DSCAM: variants seen among roughly 807,000 people sequenced by gnomAD.
DSCAM encodes cell adhesion molecule DSCAM.
DSCAM carries 47 observed loss-of-function variants against 217.7 expected under a neutral mutation model. The ratio of observed to expected loss-of-function variants is 0.22; its 90% confidence interval spans 0.17 to 0.28. DSCAM has a LOEUF of 0.28. Ranked by LOEUF, DSCAM falls within the 10% of genes least tolerant of loss-of-function variation. The probability of loss-of-function intolerance (pLI) is 1.00; values close to 1 mark genes in which losing one functional copy is unlikely to be tolerated. For missense variants in DSCAM, 2,080 were observed against 2,618.3 expected (o/e 0.79, Z 4.49); for synonymous variants, 1,056 against 1,015.3 (o/e 1.04, Z -0.76).
intron 3 of DSCAM, among the ~76,000 whole-genome samples, chr21:40,550,112 A>G (rs1034589561): frequency 6.6e-6 from 1 of 152,026 alleles, no homozygotes; most frequent in African/African-American, 2.4e-5. Flanking sequence ...AGTCATTGGT[A>G]TCTGGATCCC....
At chr21:40,750,477 T>C (rs1212213762) in intron 1 of DSCAM, among the ~76,000 whole-genome samples, 1 of 152,196 alleles carries the variant, frequency 6.6e-6, no homozygotes, top group Non-Finnish European at 1.5e-5. Flanking sequence ...ACACAGTCTC[T>C]GGACTTTCTT....
chr21:40,165,484 C>T (rs1248657794), intron 16 of DSCAM, among the ~76,000 whole-genome samples: 1 of 152,174 alleles, frequency 6.6e-6, no homozygotes, highest in Non-Finnish European at 1.5e-5. Context: ...TGTATTCAGT[C>T]GATTCACAAT....
intron 3 of DSCAM, among the ~76,000 whole-genome samples, chr21:40,665,196 C>T (rs901351524): frequency 2.0e-5 from 3 of 152,164 alleles, no homozygotes; most frequent in African/African-American, 7.2e-5. Context: ...AACACAGAGG[C>T]AGGCTGGGCA....
intron 3 of DSCAM, among the ~76,000 whole-genome samples, chr21:40,623,127 G>A (rs888371405): frequency 2.6e-5 from 4 of 152,044 alleles, no homozygotes; most frequent in Admixed American, 6.5e-5. Context: ...GTGTTTACTC[G>A]TTCAATCAAA....
rs1242601428 is a variant in DSCAM at position 40,414,472 on chromosome 21, T to C, written c.509-45227A>G. On this transcript the variant is annotated intron_variant, in intron 3 of 32. Coordinates refer to ENST00000400454, the MANE Select transcript of DSCAM (RefSeq NM_001389.5). ...TAGAATAGCTAAAATTAAAACGTACTGTGAAGAACTGAGACAACTAAACTT... is the reference window on the plus strand; with the variant it reads ...TAGAATAGCTAAAATTAAAACGTACCGTGAAGAACTGAGACAACTAAACTT... 1.3e-5 allele frequency among the ~76,000 whole-genome samples: 2 copies of C among 152,212 alleles called. 1 individual carries two copies. Among genetic ancestry groups the C allele is most frequent in the Non-Finnish European group, 2.9e-5 (2 of 68,032 alleles).
At chr21:40,104,040 A>G (rs1465028938) in intron 20 of DSCAM, among the ~76,000 whole-genome samples, 1 of 152,176 alleles carries the variant, frequency 6.6e-6, no homozygotes, top group African/African-American at 2.4e-5. Flanking sequence ...GTTTAGAATT[A>G]GAAGCACCAT....
intron 1 of DSCAM, among the ~76,000 whole-genome samples, chr21:40,770,178 GTCT>G (rs1200963630): frequency 6.6e-6 from 1 of 152,198 alleles, no homozygotes; most frequent in East Asian, 1.9e-4. Context: ...TGTATAACTG[GTCT>G]TCATTTCTTC....
intron 11 of DSCAM, among the ~76,000 whole-genome samples, chr21:40,202,581 G>A (rs1303765965): frequency 6.6e-6 from 1 of 152,200 alleles, no homozygotes; most frequent in East Asian, 1.9e-4. Flanking sequence ...TTGCTGTAGA[G>A]ATTACAAGCT....
At position 40,431,429 on chromosome 21, in the gene DSCAM, A is replaced by G. The variant is rs191523833; in HGVS notation, c.509-62184T>C. ...CCACTTCCACCTAATGAACTACTCAATGTGAAGACGATGAGGACAAAGACC... is the reference window on the plus strand; with the variant it reads ...CCACTTCCACCTAATGAACTACTCAGTGTGAAGACGATGAGGACAAAGACC... On this transcript the variant is annotated intron_variant, in intron 3 of 32. Transcript: ENST00000400454. Among the ~76,000 whole-genome samples the G allele has an allele frequency of 9.3e-4, 140 of 149,752 alleles. 1 individual carries two copies. Among genetic ancestry groups the G allele is most frequent in the Admixed American group, 4.3e-3 (65 of 15,160 alleles).
At chr21:40,519,203 G>A (rs1048484283) in intron 3 of DSCAM, among the ~76,000 whole-genome samples, 2 of 152,124 alleles carry the variant, frequency 1.3e-5, no homozygotes, top group Admixed American at 6.5e-5. Context: ...ATATGACGGT[G>A]AGTGTTATGT....
intron 16 of DSCAM, among the ~76,000 whole-genome samples, chr21:40,164,244 C>G (rs893132068): frequency 6.6e-6 from 1 of 152,134 alleles, no homozygotes; most frequent in African/African-American, 2.4e-5. Context: ...CAGTCATGCA[C>G]AATCTGAGCC....
Position 40,533,533 on chromosome 21 carries a change from CCATCCATCCATTCATCCATCCATT to C in DSCAM, c.508+159253_508+159276del, listed in dbSNP as rs199620398. Among the ~76,000 whole-genome samples the C allele has an allele frequency of 1.6e-3, 233 of 141,992 alleles. 2 individuals are homozygous for C. The Middle Eastern group carries it at 0.025, about 15-fold the overall frequency. 93.2% of individuals were successfully genotyped at this position (141,992 alleles called of 152,430 possible). A position where few individuals can be genotyped will look rare whatever the true frequency, so the allele number is the denominator to read the frequency against. ...GCCATCCATCCATCCATCTGTCCAT[CCATCCATCCATTCATCCATCCATT>C]CATCCATCCATCCATCCATCCATCC... On this transcript the variant is annotated intron_variant, in intron 3 of 32. Transcript: ENST00000400454.
At chr21:40,077,262 C>A (rs1362502585) in intron 26 of DSCAM, among the ~76,000 whole-genome samples, 1 of 152,082 alleles carries the variant, frequency 6.6e-6, no homozygotes, top group African/African-American at 2.4e-5. Context: ...GCCCTGAGAC[C>A]CAGGCCAGAA....
chr21:40,548,513 A>ATATATAT (rs531783727), intron 3 of DSCAM, among the ~76,000 whole-genome samples: 1 of 150,312 alleles, frequency 6.7e-6, no homozygotes. Flanking sequence ...TAAAAAAAAA[A>ATATATAT]ATATATATAT....
intron 1 of DSCAM, among the ~76,000 whole-genome samples, chr21:40,794,858 A>G (rs1207531440): frequency 2.0e-5 from 3 of 147,068 alleles, no homozygotes; most frequent in Non-Finnish European, 3.0e-5. Context: ...GCCTGGACTG[A>G]TAATCTTCAG....
chr21:40,133,806 C>T, intron 19 of DSCAM, 48 bp downstream of exon 19: 2 of 1,553,852 alleles, frequency 1.3e-6, no homozygotes, highest in South Asian at 2.5e-5. Flanking sequence ...TCTCTGTGAC[C>T]CAGCCCTTCC....
intron 3 of DSCAM, among the ~76,000 whole-genome samples, chr21:40,588,236 G>C (rs931449293): frequency 2.0e-5 from 3 of 152,126 alleles, no homozygotes; most frequent in Admixed American, 1.3e-4. Context: ...CTACCCCTCT[G>C]ATATTAGGTT....
intron 1 of DSCAM, among the ~76,000 whole-genome samples, chr21:40,758,795 C>T (rs960085194): frequency 6.6e-6 from 1 of 152,104 alleles, no homozygotes; most frequent in Non-Finnish European, 1.5e-5. Flanking sequence ...ATGGTCTTGT[C>T]TTCCTCCCAG....
At chr21:40,630,480 G>C (rs1486777012) in intron 3 of DSCAM, among the ~76,000 whole-genome samples, 1 of 152,130 alleles carries the variant, frequency 6.6e-6, no homozygotes, top group Non-Finnish European at 1.5e-5. Flanking sequence ...TGTATTTTTA[G>C]TAAAGACAGG....
Sources: gnomAD v4.1 joint callset for allele counts (sites outside exome capture counted in the v4.1 genomes callset) on GRCh38, gnomAD v4.1.1 for gene constraint, MANE v1.5 for transcripts, NCBI Gene and HGNC (gene_info 2026-07-23, HGNC 2026-07-21) for gene names.